Variants in MPPED1 observed in about 807,000 individuals in gnomAD.
MPPED1 encodes metallophosphoesterase domain-containing protein 1.
Under a neutral mutation model 36.2 loss-of-function variants are expected in MPPED1, and 16 were observed. The observed-to-expected ratio is 0.44, with a 90% CI of 0.30 to 0.67. The LOEUF (loss-of-function observed/expected upper bound fraction) is 0.67, where lower values mean the gene tolerates loss of function less well. Ranked by LOEUF, MPPED1 falls within the 30% of genes least tolerant of loss-of-function variation. The pLI is 0.10. For missense variants in MPPED1, 307 were observed against 453.4 expected, an observed-to-expected ratio of 0.68 and a Z score of 2.93; for synonymous variants, 199 against 191.3, an observed-to-expected ratio of 1.04 and a Z score of -0.33.
At chr22:43,412,346 C>A (rs960816878) in intron 1 of MPPED1, among the ~76,000 whole-genome samples, 188 bp downstream of exon 1, 5 of 151,628 alleles carry the variant, frequency 3.3e-5, no homozygotes, top group Admixed American at 6.6e-5. Context: ...GCCTGCCTAG[C>A]GGGCGGCGGC....
chr22:43,486,599 A>G (rs1931918621), intron 4 of MPPED1, among the ~76,000 whole-genome samples: 1 of 152,114 alleles, frequency 6.6e-6, no homozygotes, highest in Admixed American at 6.5e-5. Context: ...AGGAGGAAGT[A>G]TAGGAATACC....
At chr22:43,421,504 G>C (rs901560995) in intron 1 of MPPED1, among the ~76,000 whole-genome samples, 2 of 152,236 alleles carry the variant, frequency 1.3e-5, no homozygotes, top group Non-Finnish European at 2.9e-5. Flanking sequence ...AGACGGGTGG[G>C]GGCCCCTGGA....
intron 3 of MPPED1, among the ~76,000 whole-genome samples, chr22:43,471,273 G>A (rs2146880896): frequency 6.6e-6 from 1 of 152,352 alleles, no homozygotes; most frequent in Non-Finnish European, 1.5e-5. Context: ...GTGATGTGAA[G>A]TGGAAATGTG....
In MPPED1 at chr22:43,502,859, C is replaced by G. The variant is rs1291325881; in HGVS notation, c.862+102C>G. On this transcript the variant is annotated intron_variant, in intron 6 of 6. Transcript: ENST00000443721. The surrounding 1 kb of genome is among the most constrained non-coding windows in gnomAD (Gnocchi z 5.5). ...TCAGCCAGAAGGGAAATAAATAGCCCATTCCTACTGTTCGCTTTGTAACTG... is the reference window on the plus strand; with the variant it reads ...TCAGCCAGAAGGGAAATAAATAGCCGATTCCTACTGTTCGCTTTGTAACTG... 1 of 968,838 alleles carries G rather than the reference C, an allele frequency of 1.0e-6. No individual in the cohort carries two copies. Among genetic ancestry groups the G allele is most frequent in the Admixed American group, 2.0e-5 (1 of 49,946 alleles). 60.0% of individuals were successfully genotyped at this position (968,838 alleles called of 1,614,324 possible). A position where few individuals can be genotyped will look rare whatever the true frequency, so the allele number is the denominator to read the frequency against.
intron 5 of MPPED1, among the ~76,000 whole-genome samples, chr22:43,501,292 C>T (rs1325349916): frequency 6.6e-6 from 1 of 152,118 alleles, no homozygotes; most frequent in Non-Finnish European, 1.5e-5. Flanking sequence ...TGTTCTCTTC[C>T]TTCTCTTTTC....
At position 43,505,565 on chromosome 22, in the gene MPPED1, G is replaced by T; in HGVS notation, c.930G>T (p.Gln310His). 6.2e-7 allele frequency: 1 copy of T among 1,612,972 alleles called. No individual in the cohort carries two copies. Among genetic ancestry groups the T allele is most frequent in the Non-Finnish European group, 8.5e-7 (1 of 1,179,548 alleles). ...CGTCCGTATGCACTGTGAACTACCAGCCCGTGAACCCGCCCATAGTCATCG... is the reference window on the plus strand; with the variant it reads ...CGTCCGTATGCACTGTGAACTACCATCCCGTGAACCCGCCCATAGTCATCG... ...VNASVCTVNYQPVNPPIVIDL... is the reference protein window; with the variant it reads ...VNASVCTVNYHPVNPPIVIDL... Residue 310 changes from glutamine (Q) to histidine (H), a missense_variant, in exon 7 of 7, where the codon CAG becomes CAT. By Grantham distance (24) the Gln-to-His change is conservative. This residue lies in a region of MPPED1 where 132 missense variants were observed against 212.3 expected (regional missense o/e 0.62). Transcript: ENST00000443721.
At chr22:43,499,499 G>A (rs1353757577) in intron 5 of MPPED1, among the ~76,000 whole-genome samples, 26 of 146,040 alleles carry the variant, frequency 1.8e-4, no homozygotes, top group South Asian at 7.1e-4. Flanking sequence ...GGTGGTGATG[G>A]TGGTAATGGA....
chr22:43,494,065 G>C (rs925974312), intron 4 of MPPED1, among the ~76,000 whole-genome samples: 1 of 152,114 alleles, frequency 6.6e-6, no homozygotes, highest in East Asian at 1.9e-4. Context: ...ACAGGGTCTT[G>C]CTCTGTTGCC....
chr22:43,421,731 C>T (rs1022251663), intron 1 of MPPED1, among the ~76,000 whole-genome samples: 2 of 152,190 alleles, frequency 1.3e-5, no homozygotes, highest in Admixed American at 6.5e-5. Context: ...TCCATCCATC[C>T]GTTTCTCCCT....
chr22:43,500,295 G>GCAGTGATGA (rs1932666516), intron 5 of MPPED1, among the ~76,000 whole-genome samples: 1 of 142,836 alleles, frequency 7.0e-6, no homozygotes, highest in Non-Finnish European at 1.5e-5. Context: ...GATGGGGGTG[G>GCAGTGATGA]TGGTGGTGAT....
intron 1 of MPPED1, 114 bp downstream of exon 1, chr22:43,412,272 C>A: frequency 3.0e-6 from 2 of 674,874 alleles, no homozygotes; most frequent in Non-Finnish European, 3.7e-6. Flanking sequence ...GCAGGGGCGC[C>A]CGCAAAGTTA....
chr22:43,489,472 G>A (rs1932016663), intron 4 of MPPED1, among the ~76,000 whole-genome samples: 1 of 151,886 alleles, frequency 6.6e-6, no homozygotes, highest in African/African-American at 2.4e-5. Context: ...GTCCTGGGAA[G>A]TGTCTCTTCT....
chr22:43,496,391 A>G (rs868276829), intron 4 of MPPED1, among the ~76,000 whole-genome samples: 244 of 2,474 alleles, frequency 0.099, no homozygotes, highest in Non-Finnish European at 0.11. Flanking sequence ...GGTGGTGGAG[A>G]TGGTGGTGGT....
At position 43,506,436 on chromosome 22, in the gene MPPED1, T is replaced by G. The variant is rs538006131; in HGVS notation, c.*820T>G. 1 of 152,324 alleles carries G rather than the reference T, an allele frequency of 6.6e-6. No individual in the cohort carries two copies. The highest frequency in any genetic ancestry group is 2.4e-5 in the African/African-American group (1 of 41,464). The allele number at this position is 152,324 out of a possible 1,614,324, so 9.4% of individuals were successfully genotyped here. A position where few individuals can be genotyped will look rare whatever the true frequency, so the allele number is the denominator to read the frequency against. ...GGATGGAGGGTCTGCAGGCTTAGGC[T>G]GCAGCAGGCCTGCCATGGGTGTGAA... On this transcript the variant is annotated 3_prime_UTR_variant, in exon 7 of 7. Transcript: ENST00000443721.
chr22:43,504,895 G>A (rs544883698), intron 6 of MPPED1, among the ~76,000 whole-genome samples: 98 of 151,760 alleles, frequency 6.5e-4, no homozygotes, highest in Admixed American at 2.0e-3. Context: ...TGATAAGGGC[G>A]GTGATGTTGT....
At position 43,424,932 on chromosome 22, in the gene MPPED1, C is replaced by A. The variant is rs1323503404; in HGVS notation, c.-54C>A. 8 of 1,540,856 alleles carry A rather than the reference C, an allele frequency of 5.2e-6. No individual in the cohort carries two copies. The African/African-American group carries it at 9.6e-5, about 18-fold the overall frequency. ...GTCTGTTTCCAGGTCTGGCGGGGGG[C>A]CGGGCTGCGGTGGCGGCAGCGGTGG... On this transcript the variant is annotated 5_prime_UTR_variant, in exon 2 of 7. Transcript: ENST00000443721.
At chr22:43,467,201 C>T (rs1157722348) in intron 3 of MPPED1, among the ~76,000 whole-genome samples, 2 of 152,192 alleles carry the variant, frequency 1.3e-5, no homozygotes, top group East Asian at 1.9e-4. Flanking sequence ...CCCCTGCACC[C>T]CTTGCTGCAC....
chr22:43,423,945 C>T (rs1374089416), intron 1 of MPPED1, among the ~76,000 whole-genome samples: 1 of 152,174 alleles, frequency 6.6e-6, no homozygotes, highest in African/African-American at 2.4e-5. Context: ...ACTCAATGGT[C>T]TGACTAACGA....
At chr22:43,431,889 C>T (rs1195143251) in intron 2 of MPPED1, among the ~76,000 whole-genome samples, 1 of 152,226 alleles carries the variant, frequency 6.6e-6, no homozygotes, top group Non-Finnish European at 1.5e-5. Context: ...CTAGGTCTGC[C>T]TCTTCGCTGT....
Sources: allele counts gnomAD v4.1 joint callset (sites outside exome capture counted in the v4.1 genomes callset), GRCh38; gene constraint gnomAD v4.1.1; regional missense constraint gnomAD v4.1.1; non-coding constraint Gnocchi (gnomAD v3.1); transcripts MANE v1.5; gene names NCBI Gene and HGNC (gene_info 2026-07-23, HGNC 2026-07-21).